The following ZPLD1 variants were observed in gnomAD, a reference collection of about 807,000 sequenced individuals.
ZPLD1 encodes the protein zona pellucida like domain containing 1, also known as zona pellucida-like domain-containing protein 1.
ZPLD1 carries 34 observed loss-of-function variants against 47.2 expected under a neutral mutation model. The observed-to-expected ratio is 0.72, with a 90% CI of 0.55 to 0.96. The LOEUF is 0.96. ZPLD1 is among the 40% of genes least tolerant of loss of function. The probability of loss-of-function intolerance (pLI) is 0.00; values close to 1 mark genes in which losing one functional copy is unlikely to be tolerated. For missense variants in ZPLD1, 512 were observed against 505.8 expected, an observed-to-expected ratio of 1.01 and a Z score of -0.12; for synonymous variants, 176 against 186.2, an observed-to-expected ratio of 0.95 and a Z score of 0.45.
chr3:102,410,576 CT>C (rs1706738328), intron 7 of ZPLD1, among the ~76,000 whole-genome samples: 1 of 151,762 alleles, frequency 6.6e-6, no homozygotes, highest in South Asian at 2.1e-4. Context: ...ATCATTTACT[CT>C]GTTCTAAAGC....
chr3:102,456,879 G>A (rs1343290342), intron 5 of ZPLD1, among the ~76,000 whole-genome samples: 1 of 152,194 alleles, frequency 6.6e-6, no homozygotes, highest in Admixed American at 6.5e-5. Context: ...CACCTGGAAG[G>A]GTGCTCATGA....
At chr3:102,398,429 CTTT>C (rs1250531977) in intron 7 of ZPLD1, among the ~76,000 whole-genome samples, 3 of 151,900 alleles carry the variant, frequency 2.0e-5, no homozygotes, top group African/African-American at 7.3e-5. Flanking sequence ...TCATTCTCTT[CTTT>C]GTCTGTCAAG....
chr3:102,466,451 T>G (rs1707594998), intron 8 of ZPLD1, among the ~76,000 whole-genome samples: 1 of 152,116 alleles, frequency 6.6e-6, no homozygotes, highest in Non-Finnish European at 1.5e-5. Context: ...AAAAGAAAAT[T>G]TAAAGGTGAA....
At chr3:102,428,464 T>C (rs1416973735) in intron 8 of ZPLD1, among the ~76,000 whole-genome samples, 1 of 152,142 alleles carries the variant, frequency 6.6e-6, no homozygotes, top group Non-Finnish European at 1.5e-5. Context: ...ATTTTAAGTT[T>C]AAATTCTAAC....
intron 3 of ZPLD1, among the ~76,000 whole-genome samples, chr3:102,446,647 C>A (rs1244374508): frequency 6.6e-6 from 1 of 152,132 alleles, no homozygotes; most frequent in Non-Finnish European, 1.5e-5. Flanking sequence ...CAGTGACATC[C>A]CTTTTTCTTC....
At chr3:102,437,009 C>T in intron 2 of ZPLD1, 36 bp downstream of exon 2, 1 of 897,254 alleles carries the variant, frequency 1.1e-6, no homozygotes, top group Non-Finnish European at 1.3e-6. Context: ...ATTCAGGCTT[C>T]TTTCTTTTCT....
Position 102,470,416 on chromosome 3 carries a change from G to T in ZPLD1, c.956G>T (p.Arg319Ile). ...CAGATTTGCAGCCACAGAGAAAGGA[G>T]AGATGCTGGGAGGAGGACGACTTGG... ...LMPICSHRER[R>I]DAGRRTTWSP... is the part of the protein sequence containing the mutation. Residue 319 changes from arginine to isoleucine, a missense_variant, in exon 10 of 12, where the codon AGA (arginine) becomes ATA (isoleucine). Coordinates refer to ENST00000466937, the MANE Select transcript of ZPLD1 (RefSeq NM_001329788.2). 1.2e-6 allele frequency: 2 copies of T among 1,614,092 alleles called. No homozygotes were observed. The highest frequency in any genetic ancestry group is 1.7e-6 in the Non-Finnish European group (2 of 1,180,010).
upstream of ZPLD1, among the ~76,000 whole-genome samples, chr3:102,433,650 C>A (rs1349275492): frequency 6.6e-6 from 1 of 152,178 alleles, no homozygotes; most frequent in African/African-American, 2.4e-5. Flanking sequence ...GACTCAGCCT[C>A]CCGAGTAACT....
At position 102,479,095 on chromosome 3, in the gene ZPLD1, T is replaced by A. The variant is rs1707802040; in HGVS notation, c.*1477T>A. On this transcript the variant is annotated 3_prime_UTR_variant, in exon 12 of 12. Coordinates refer to ENST00000466937, the MANE Select transcript of ZPLD1 (RefSeq NM_001329788.2). ...ATATTTCAGGAGGAAGTGTTTATAT[T>A]ATAATAATTAGCTATATAATTGCAT... 1 of 152,202 alleles carries A rather than the reference T, an allele frequency of 6.6e-6. No homozygotes were observed. Among genetic ancestry groups the A allele is most frequent in the South Asian group, 2.1e-4 (1 of 4,832 alleles). 9.4% of individuals were successfully genotyped at this position (152,202 alleles called of 1,614,324 possible).
rs1488665876 is a variant in ZPLD1 at position 102,468,953 on chromosome 3, C to T, written c.762-11C>T. The T allele has an allele frequency of 6.2e-7, 1 of 1,605,178 alleles. No individual in the cohort carries two copies. Among genetic ancestry groups the T allele is most frequent in the Non-Finnish European group, 8.5e-7 (1 of 1,176,634 alleles). On this transcript the variant is annotated splice_polypyrimidine_tract_variant and intron_variant, in intron 8 of 11. Coordinates refer to ENST00000466937, the MANE Select transcript of ZPLD1 (RefSeq NM_001329788.2). ...CAGTGATGTCCTGTTTTCACGTTCC[C>T]TAAAATTTAGCTGTGACAAGGACCC...
intron 4 of ZPLD1, 69 bp downstream of exon 4, chr3:102,453,208 A>C: frequency 7.3e-7 from 1 of 1,369,390 alleles, no homozygotes; most frequent in Non-Finnish European, 1.0e-6. Context: ...TTCATGAAAG[A>C]ATAAGATGCC....
chr3:102,441,522 C>T (rs1381185129), intron 3 of ZPLD1, among the ~76,000 whole-genome samples: 1 of 152,136 alleles, frequency 6.6e-6, no homozygotes, highest in African/African-American at 2.4e-5. Context: ...GCCAATTATT[C>T]CAATTAAAAG....
At chr3:102,429,400 C>A (rs1301835673) in intron 8 of ZPLD1, among the ~76,000 whole-genome samples, 2 of 152,140 alleles carry the variant, frequency 1.3e-5, no homozygotes, top group Non-Finnish European at 2.9e-5. Context: ...CCATGGAATT[C>A]TTACAGATTT....
At chr3:102,394,330 A>G (rs937114030) in intron 7 of ZPLD1, among the ~76,000 whole-genome samples, 1 of 152,180 alleles carries the variant, frequency 6.6e-6, no homozygotes, top group Admixed American at 6.6e-5. Flanking sequence ...TCATAATAAC[A>G]TCAAACACCC....
intron 3 of ZPLD1, 145 bp downstream of exon 3, chr3:102,438,738 T>C: frequency 1.8e-6 from 1 of 547,024 alleles, no homozygotes; most frequent in East Asian, 3.0e-5. Flanking sequence ...ACAAGACATT[T>C]TTCTGGAGCT....
intron 10 of ZPLD1, among the ~76,000 whole-genome samples, chr3:102,470,969 G>T (rs1707675641): frequency 6.6e-6 from 1 of 152,008 alleles, no homozygotes; most frequent in Non-Finnish European, 1.5e-5. Context: ...AGTAGAGATG[G>T]GGTTTCACCA....
At chr3:102,387,206 C>T (rs1706433587) in intron 6 of ZPLD1, among the ~76,000 whole-genome samples, 1 of 152,168 alleles carries the variant, frequency 6.6e-6, no homozygotes, top group Non-Finnish European at 1.5e-5. Flanking sequence ...CCTTCTCTTC[C>T]ACTGTCCCAA....
At chr3:102,456,490 A>T in intron 5 of ZPLD1, 116 bp downstream of exon 5, 1 of 872,752 alleles carries the variant, frequency 1.1e-6, no homozygotes, top group Non-Finnish European at 1.8e-6. Context: ...AATTCAAACA[A>T]TGTAATGGGA....
intron 8 of ZPLD1, among the ~76,000 whole-genome samples, chr3:102,418,559 A>T (rs1034869295): frequency 6.6e-6 from 1 of 152,022 alleles, no homozygotes; most frequent in East Asian, 1.9e-4. Context: ...ACTTGAGGTC[A>T]AAAGTTGTGC....
Sources: gnomAD v4.1 joint callset for allele counts (sites outside exome capture counted in the v4.1 genomes callset) on GRCh38, gnomAD v4.1.1 for gene constraint, MANE v1.5 for transcripts, NCBI Gene and HGNC (gene_info 2026-07-23, HGNC 2026-07-21) for gene names.